The following INPPL1 variants were observed in gnomAD, a reference collection of about 807,000 sequenced individuals.
INPPL1 encodes inositol polyphosphate phosphatase like 1, also known as phosphatidylinositol 3,4,5-trisphosphate 5-phosphatase 2.
Under a neutral mutation model 139.3 loss-of-function variants are expected in INPPL1, and 91 were observed. The observed-to-expected ratio is 0.65, with a 90% CI of 0.55 to 0.78. INPPL1 has a LOEUF of 0.78. Ranked by LOEUF, INPPL1 falls within the 30% of genes least tolerant of loss-of-function variation. The pLI is 0.00. For synonymous variants in INPPL1, 719 were observed against 686.6 expected (o/e 1.05, Z -0.74); for missense variants, 1,411 against 1,665.6 (o/e 0.85, Z 2.66).
rs372182741 is a variant in INPPL1 at position 72,230,260 on chromosome 11, C to T, written c.1079C>T (p.Thr360Met). Residue 360 changes from threonine (T) to methionine (M), a missense_variant, in exon 9 of 28, where the codon ACG (threonine) becomes ATG (methionine). By Grantham distance (81) the Thr-to-Met change is moderately conservative (BLOSUM62 -1). Around this residue, in one of 5 missense-constraint regions of INPPL1, gnomAD observed 504 missense variants for 595.6 expected, o/e 0.85. Transcript: ENST00000298229. ...TCCCAGGAGGACTGGACCACCTTCA[C>T]GCACGACCGCAGTGAGCCAGGGCCA... ...RDSQEDWTTF[T>M]HDRIRQLIKS... 7.5e-6 allele frequency: 12 copies of T among 1,606,972 alleles called. No homozygotes were observed. The highest frequency in any genetic ancestry group is 1.7e-5 in the Admixed American group (1 of 59,584).
chr11:72,228,093 G>A lies in INPPL1; in HGVS notation c.183-97G>A, dbSNP rs1948724492. 7.8e-7 allele frequency: 1 copy of A among 1,283,898 alleles called. No homozygotes were observed. The highest frequency in any genetic ancestry group is 1.1e-6 in the Non-Finnish European group (1 of 883,374). 79.5% of individuals were successfully genotyped at this position (1,283,898 alleles called of 1,614,324 possible). A position where few individuals can be genotyped will look rare whatever the true frequency, so the allele number is the denominator to read the frequency against. On this transcript the variant is annotated intron_variant, in intron 1 of 27. Coordinates refer to ENST00000298229, the MANE Select transcript of INPPL1 (RefSeq NM_001567.4). This position sits in a 1 kb window ranked among gnomAD's most constrained non-coding sequence, Gnocchi z 5.0. ...TGGTTTTAGGGAAACCAAGCTGAGG[G>A]GGTTGGGGTGCTGAGCTTGCTGGCA...
Position 72,229,449 on chromosome 11 carries a change from C to T in INPPL1, c.660-16C>T. The T allele has an allele frequency of 6.2e-7, 1 of 1,612,232 alleles. No individual in the cohort carries two copies. Among genetic ancestry groups the T allele is most frequent in the South Asian group, 1.1e-5 (1 of 91,044 alleles). On this transcript the variant is annotated splice_polypyrimidine_tract_variant and intron_variant, in intron 5 of 27. Transcript: ENST00000298229. ...AGGTCGGGGTGGGAGTTCTTTTGAT[C>T]TGATGTCTTCCCTAGTGAGGTGGAC...
intron 19 of INPPL1, among the ~76,000 whole-genome samples, chr11:72,233,981 T>G (rs559999694): frequency 6.6e-6 from 1 of 152,290 alleles, no homozygotes; most frequent in East Asian, 1.9e-4. Flanking sequence ...TATGTGTCTG[T>G]GTCTGTCTAG....
intron 17 of INPPL1, 95 bp downstream of exon 17, chr11:72,233,258 C>T: frequency 1.7e-6 from 2 of 1,181,620 alleles, no homozygotes; most frequent in Admixed American, 2.1e-5. Flanking sequence ...AGCTTCCACT[C>T]CAGCCTCCAT....
At chr11:72,231,367 T>C (rs1318260470) in intron 12 of INPPL1, 131 bp from the exon 13 acceptor site, 2 of 929,156 alleles carry the variant, frequency 2.2e-6, no homozygotes, top group Non-Finnish European at 3.4e-6. Flanking sequence ...ACCATTTCTC[T>C]CCAGTCCGTC....
Position 72,229,692 on chromosome 11 carries a change from A to G in INPPL1, c.783A>G (p.Leu261=), listed in dbSNP as rs770929582. The change falls in exon 7 of 28, where the codon CTA becomes CTG. Residue 261 remains leucine, a synonymous_variant. Coordinates refer to ENST00000298229, the MANE Select transcript of INPPL1 (RefSeq NM_001567.4). ...TGCCACAGACAGGGGAGCAGGAACT[A>G]GAGAGCCTGGTGCTGAAGCTGTCAG... The part of the protein sequence containing the change: ...QNLPQTGEQE[L]ESLVLKLSVL... 2 of 1,614,002 alleles carry G rather than the reference A, an allele frequency of 1.2e-6. No individual in the cohort carries two copies. The highest frequency in any genetic ancestry group is 2.7e-5 in the African/African-American group (2 of 74,908).
chr11:72,238,274 A>G lies in INPPL1; in HGVS notation c.3698A>G (p.Glu1233Gly), dbSNP rs769082217. The G allele has an allele frequency of 1.2e-6, 2 of 1,612,862 alleles. No individual in the cohort carries two copies. The highest frequency in any genetic ancestry group is 1.7e-6 in the Non-Finnish European group (2 of 1,179,330). ...DDLEFLSDIT[E>G]EDLEEAGVQD... ...GTTTTACTCCACAGTGACATCACCG[A>G]GGAGGACTTGGAGGAGGCTGGGGTG... The change falls in exon 28 of 28, where the codon GAG (glutamate) becomes GGG (glycine). Residue 1233 changes from glutamate to glycine, a missense_variant. Coordinates refer to ENST00000298229, the MANE Select transcript of INPPL1 (RefSeq NM_001567.4).
intron 10 of INPPL1, 25 bp downstream of exon 10, chr11:72,230,493 A>G: frequency 6.2e-7 from 1 of 1,606,542 alleles, no homozygotes; most frequent in Non-Finnish European, 8.5e-7. Flanking sequence ...GGGCCAGGCC[A>G]CTGGGGACTG....
Position 72,233,164 on chromosome 11 carries a change from G to T in INPPL1, c.2040+1G>T. 1 of 1,613,390 alleles carries T rather than the reference G, an allele frequency of 6.2e-7. No homozygotes were observed. The highest frequency in any genetic ancestry group is 8.5e-7 in the Non-Finnish European group (1 of 1,179,710). On this transcript the variant is annotated splice_donor_variant, in intron 17 of 27. Coordinates refer to ENST00000298229, the MANE Select transcript of INPPL1 (RefSeq NM_001567.4). LOFTEE classifies it high-confidence loss of function. ...CTGGCACAAGCAGAAGCCAACTGGGGTGAGCCAAGAAAACGGCATGGGCCT... is the reference window on the plus strand; with the variant it reads ...CTGGCACAAGCAGAAGCCAACTGGGTTGAGCCAAGAAAACGGCATGGGCCT...
chr11:72,225,775 T>G (rs773067270), intron 1 of INPPL1, among the ~76,000 whole-genome samples: 11 of 152,150 alleles, frequency 7.2e-5, no homozygotes, highest in Non-Finnish European at 1.6e-4. Flanking sequence ...GCTCTGGGCT[T>G]GAGCCCTGGT....
rs751018429 is a variant in INPPL1 at position 72,231,135 on chromosome 11, G to C, written c.1443G>C (p.Trp481Cys). The C allele has an allele frequency of 6.2e-7, 1 of 1,613,790 alleles. No individual in the cohort carries two copies. Among genetic ancestry groups the C allele is most frequent in the Non-Finnish European group, 8.5e-7 (1 of 1,180,008 alleles). Reference protein sequence around the residue: ...TQENSVGDREWLDLLRGGLKE... With the variant: ...TQENSVGDRECLDLLRGGLKE... ...AGAACTCAGTGGGCGACCGCGAGTG[G>C]CTGGACCTACTGCGCGGGGGCCTCA... The change falls in exon 12 of 28, where the codon TGG (tryptophan) becomes TGC (cysteine). Residue 481 changes from tryptophan to cysteine, a missense_variant. Coordinates refer to ENST00000298229, the MANE Select transcript of INPPL1 (RefSeq NM_001567.4).
Position 72,238,679 on chromosome 11 carries a change from G to A in INPPL1, c.*326G>A, listed in dbSNP as rs1293872166. 3 of 201,142 alleles carry A rather than the reference G, an allele frequency of 1.5e-5. No individual in the cohort carries two copies. In the East Asian group the frequency reaches 3.3e-4, roughly 22 times the overall value. The allele number at this position is 201,142 out of a possible 1,614,324, so 12.5% of individuals were successfully genotyped here. On this transcript the variant is annotated 3_prime_UTR_variant, in exon 28 of 28. Coordinates refer to ENST00000298229, the MANE Select transcript of INPPL1 (RefSeq NM_001567.4). ...TGCCTGTGGGGGTCCATTTGGGTAC[G>A]TCTGGGCCCCCACTTTCACCAGTTT...
chr11:72,236,204 C>T (rs911181494), intron 25 of INPPL1, among the ~76,000 whole-genome samples: 1 of 152,378 alleles, frequency 6.6e-6, no homozygotes, highest in African/African-American at 2.4e-5. Context: ...CCTCTCAATT[C>T]TGCCTTTAAA....
chr11:72,238,226 T>A (rs758637491), intron 27 of INPPL1, 37 bp from the exon 28 acceptor site: 2 of 1,613,518 alleles, frequency 1.2e-6, no homozygotes, highest in South Asian at 1.1e-5. Flanking sequence ...CAGGATCCCC[T>A]TGCCCATCTC....
chr11:72,230,225 A>G lies in INPPL1; in HGVS notation c.1044A>G (p.Arg348=). The part of the protein sequence containing the change: ...VEGGRLVLLR[R]QRDSQEDWTT... ...GTGGGCGGCTGGTGCTGCTGCGGAGACAGCGGGACTCCCAGGAGGACTGGA... is the reference window on the plus strand; with the variant it reads ...GTGGGCGGCTGGTGCTGCTGCGGAGGCAGCGGGACTCCCAGGAGGACTGGA... Residue 348 remains arginine (R), a synonymous_variant, in exon 9 of 28, where the codon AGA becomes AGG. Transcript: ENST00000298229. 1 of 1,610,922 alleles carries G rather than the reference A, an allele frequency of 6.2e-7. No homozygotes were observed. Among genetic ancestry groups the G allele is most frequent in the Non-Finnish European group, 8.5e-7 (1 of 1,177,984 alleles).
At chr11:72,233,282 C>A in intron 17 of INPPL1, 119 bp downstream of exon 17, 1 of 1,067,712 alleles carries the variant, frequency 9.4e-7, no homozygotes, top group Admixed American at 2.1e-5. Context: ...CCCTCTGAGG[C>A]CTTTGGGTGA....
In INPPL1 at chr11:72,231,035, C is replaced by T. The variant is rs139442327; in HGVS notation, c.1343C>T (p.Ser448Leu). ...AAAAACGTGACATCCTGGTTCACAT[C>T]GAAGGGTCTGGGGAAGACCCTGGAC... Reference protein sequence around the residue: ...PPKNVTSWFTSKGLGKTLDEV... With the variant: ...PPKNVTSWFTLKGLGKTLDEV... Residue 448 changes from serine (S) to leucine (L), a missense_variant, in exon 12 of 28, where the codon TCG becomes TTG. Coordinates refer to ENST00000298229, the MANE Select transcript of INPPL1 (RefSeq NM_001567.4). 565 of 1,614,016 alleles carry T rather than the reference C, an allele frequency of 3.5e-4. 1 individual carries two copies. In the African/African-American group the frequency reaches 6.0e-3, roughly 17 times the overall value.
chr11:72,230,912 T>C lies in INPPL1; in HGVS notation c.1300+14T>C, dbSNP rs754264219. Reference sequence around the variant, plus strand: ...CCTGGAACATGGGTCAGGCCCGGGCTGGGGCTGGGGCGGGAGAGAGGGATG... The same window carrying C: ...CCTGGAACATGGGTCAGGCCCGGGCCGGGGCTGGGGCGGGAGAGAGGGATG... On this transcript the variant is annotated intron_variant, in intron 11 of 27. Transcript: ENST00000298229. 15 of 1,613,530 alleles carry C rather than the reference T, an allele frequency of 9.3e-6. No homozygotes were observed. The highest frequency in any genetic ancestry group is 1.1e-5 in the Non-Finnish European group (13 of 1,179,564).
At position 72,228,552 on chromosome 11, in the gene INPPL1, C is replaced by G. The variant is rs916614738; in HGVS notation, c.397+54C>G. 1.9e-6 allele frequency: 3 copies of G among 1,586,584 alleles called. No homozygotes were observed. In the African/African-American group the frequency reaches 4.0e-5, roughly 21 times the overall value. On this transcript the variant is annotated intron_variant, in intron 3 of 27. Coordinates refer to ENST00000298229, the MANE Select transcript of INPPL1 (RefSeq NM_001567.4). This position sits in a 1 kb window ranked among gnomAD's most constrained non-coding sequence, Gnocchi z 5.0. ...TGCCCCTGTCCCTTGGCTCTACCTG[C>G]CTCTTCCCATCCCCCCTTCTCAACC...
Sources: gnomAD v4.1 joint callset for allele counts (sites outside exome capture counted in the v4.1 genomes callset) on GRCh38, gnomAD v4.1.1 for gene constraint, gnomAD v4.1.1 regional missense constraint, Gnocchi (gnomAD v3.1) non-coding constraint, MANE v1.5 for transcripts, NCBI Gene and HGNC (gene_info 2026-07-23, HGNC 2026-07-21) for gene names.